Variants in PTPRN2 observed in about 807,000 individuals in gnomAD.
The protein encoded by PTPRN2 is receptor-type tyrosine-protein phosphatase N2.
PTPRN2 carries 74 observed loss-of-function variants against 118.8 expected under a neutral mutation model. The observed-to-expected ratio is 0.62, with a 90% CI of 0.52 to 0.76. The LOEUF (loss-of-function observed/expected upper bound fraction) is 0.76. Ranked by LOEUF, PTPRN2 falls within the 30% of genes least tolerant of loss-of-function variation. PTPRN2 has a pLI of 0.00. For missense variants in PTPRN2, 1,481 were observed against 1,394.4 expected (o/e 1.06, Z -0.99); for synonymous variants, 641 against 608.0 (o/e 1.05, Z -0.80).
intron 10 of PTPRN2, among the ~76,000 whole-genome samples, chr7:158,085,624 C>T (rs1451316022): frequency 7.3e-6 from 1 of 137,646 alleles, no homozygotes; most frequent in Non-Finnish European, 1.6e-5. Flanking sequence ...CCCATCCACA[C>T]CCTCGACGCC....
chr7:157,691,473 G>A (rs547243573), intron 12 of PTPRN2, among the ~76,000 whole-genome samples: 2 of 148,960 alleles, frequency 1.3e-5, no homozygotes, highest in East Asian at 4.7e-4. Flanking sequence ...GATTCAGGGC[G>A]AGTAGACGAG....
chr7:158,378,173 T>G (rs936109265), intron 2 of PTPRN2, among the ~76,000 whole-genome samples: 2 of 151,982 alleles, frequency 1.3e-5, no homozygotes, highest in Non-Finnish European at 2.9e-5. Context: ...TGAACAAACC[T>G]GACACAAAAG....
At position 158,574,998 on chromosome 7, in the gene PTPRN2, T is replaced by C. The variant is rs765541954; in HGVS notation, c.112+12560A>G. Among the ~76,000 whole-genome samples, 1 of 152,262 alleles carries C rather than the reference T, an allele frequency of 6.6e-6. No homozygotes were observed. Among genetic ancestry groups the C allele is most frequent in the Non-Finnish European group, 1.5e-5 (1 of 68,042 alleles). ...AATTAAAACAGACTTCCATCCTTTC[T>C]TCAAAGGACATATTTTTCTTCCCTT... On this transcript the variant is annotated intron_variant, in intron 1 of 22. Coordinates refer to ENST00000389418, the MANE Select transcript of PTPRN2 (RefSeq NM_002847.5). This position sits in a 1 kb window ranked among gnomAD's most constrained non-coding sequence, Gnocchi z 4.6.
chr7:157,840,457 CGTGTGACTGTGTGGCCACGTGTGACT>C (rs1395381657), intron 12 of PTPRN2, among the ~76,000 whole-genome samples: 23 of 142,348 alleles, frequency 1.6e-4, no homozygotes, highest in African/African-American at 6.0e-4. Context: ...TGTGTGACCG[CGTGTGACTGTGTGGCCACGTGTGACT>C]GTGTGACTGT....
chr7:158,178,321 A>G (rs773330745), intron 5 of PTPRN2, among the ~76,000 whole-genome samples: 4 of 152,124 alleles, frequency 2.6e-5, no homozygotes, highest in Non-Finnish European at 5.9e-5. Context: ...ATTGTACCCA[A>G]TATGTAGGTT....
At chr7:157,812,973 G>A (rs981810123) in intron 12 of PTPRN2, among the ~76,000 whole-genome samples, 54 of 152,116 alleles carry the variant, frequency 3.5e-4, no homozygotes, top group Admixed American at 3.3e-3. Flanking sequence ...CACATTCCAC[G>A]CTGCTCCCTA....
chr7:158,398,523 T>C (rs1812700576), intron 2 of PTPRN2, among the ~76,000 whole-genome samples: 1 of 152,260 alleles, frequency 6.6e-6, no homozygotes, highest in East Asian at 1.9e-4. Context: ...CTTTGTTCTG[T>C]TATTGCCGTT....
intron 3 of PTPRN2, among the ~76,000 whole-genome samples, chr7:158,250,627 A>G (rs554788843): frequency 6.6e-6 from 1 of 152,280 alleles, no homozygotes; most frequent in East Asian, 1.9e-4. Flanking sequence ...CGATTTTTAT[A>G]AGACAGGTAT....
At chr7:158,391,239 C>A (rs910692193) in intron 2 of PTPRN2, among the ~76,000 whole-genome samples, 1 of 152,248 alleles carries the variant, frequency 6.6e-6, no homozygotes, top group Non-Finnish European at 1.5e-5. Flanking sequence ...GAGGGACCCT[C>A]TGGGGCCAAT....
At chr7:158,358,426 A>G (rs1400972649) in intron 2 of PTPRN2, among the ~76,000 whole-genome samples, 1 of 152,204 alleles carries the variant, frequency 6.6e-6, no homozygotes, top group Non-Finnish European at 1.5e-5. Flanking sequence ...CAGTTATCAC[A>G]ATATTCGGCC....
intron 11 of PTPRN2, among the ~76,000 whole-genome samples, chr7:157,928,202 C>T (rs2128776925): frequency 6.6e-6 from 1 of 152,322 alleles, no homozygotes; most frequent in Non-Finnish European, 1.5e-5. Flanking sequence ...CAGGGCAGGG[C>T]CATAGGCAGA....
Position 158,546,077 on chromosome 7 carries a change from A to G in PTPRN2, c.112+41481T>C, listed in dbSNP as rs1826258710. Reference sequence around the variant, plus strand: ...TTACCTCCAGCAAGGGCTGGAGACCAAAAAAACTGGGCCAACGGCCCACAA... The same window carrying G: ...TTACCTCCAGCAAGGGCTGGAGACCGAAAAAACTGGGCCAACGGCCCACAA... On this transcript the variant is annotated intron_variant, in intron 1 of 22. Transcript: ENST00000389418. This position sits in a 1 kb window ranked among gnomAD's most constrained non-coding sequence, Gnocchi z 5.0. Among the ~76,000 whole-genome samples, 2 of 152,196 alleles carry G rather than the reference A, an allele frequency of 1.3e-5. No individual in the cohort carries two copies. Among genetic ancestry groups the G allele is most frequent in the African/African-American group, 4.8e-5 (2 of 41,456 alleles).
chr7:158,329,509 A>G (rs10156044), intron 2 of PTPRN2, among the ~76,000 whole-genome samples: 143,466 of 152,176 alleles, frequency 0.94, 67,708 homozygotes, highest in Non-Finnish European at 0.96. Flanking sequence ...CTCACGCTCC[A>G]GCCACATGAG....
At position 157,764,920 on chromosome 7, in the gene PTPRN2, GATCCATCCAT is replaced by G. The variant is rs1317030441; in HGVS notation, c.1789-81993_1789-81984del. Among the ~76,000 whole-genome samples, 5 of 138,314 alleles carry G rather than the reference GATCCATCCAT, an allele frequency of 3.6e-5. No individual in the cohort carries two copies. The highest frequency in any genetic ancestry group is 1.1e-4 in the African/African-American group (4 of 36,406). The allele number at this position is 138,314 out of a possible 152,430, so 90.7% of individuals were successfully genotyped here. ...CCATCTACCCATCCATCCATCCATT[GATCCATCCAT>G]ATCCATCCATCCATATCCATCCATC... On this transcript the variant is annotated intron_variant, in intron 12 of 22. Transcript: ENST00000389418. The surrounding 1 kb of genome is among the most constrained non-coding windows in gnomAD (Gnocchi z 4.5).
At chr7:158,029,703 C>CGG (rs1807546355) in intron 11 of PTPRN2, 1 of 148,230 alleles carries the variant, frequency 6.7e-6, no homozygotes, top group African/African-American at 2.5e-5. Context: ...CTGGGAGCTC[C>CGG]GGCCCTGCCC....
chr7:158,095,039 C>T (rs907581833), intron 10 of PTPRN2, among the ~76,000 whole-genome samples: 6 of 152,128 alleles, frequency 3.9e-5, no homozygotes, highest in East Asian at 1.9e-4. Flanking sequence ...TGGGAGGAGC[C>T]GCTGGGTCCT....
At chr7:158,112,839 A>C (rs1373683206) in intron 9 of PTPRN2, among the ~76,000 whole-genome samples, 1 of 151,036 alleles carries the variant, frequency 6.6e-6, no homozygotes, top group Non-Finnish European at 1.5e-5. Context: ...CTGTGAGTGC[A>C]GAGGTCAGAG....
rs1563366904 is a variant in PTPRN2 at position 158,054,120 on chromosome 7, CAGAGA to C, written c.1723+27173_1723+27177del. On this transcript the variant is annotated intron_variant, in intron 11 of 22. Transcript: ENST00000389418. The stretch of plus-strand genomic sequence containing the variant: ...CAGAGACGGAGAGACCCCAGAGATG[CAGAGA>C]CCCTAGAGAGCATGGGGGCCCTAGA... Among the ~76,000 whole-genome samples the C allele has an allele frequency of 1.2e-4, 18 of 152,224 alleles. No homozygotes were observed. In the Middle Eastern group the frequency reaches 0.01, roughly 86 times the overall value.
intron 11 of PTPRN2, among the ~76,000 whole-genome samples, chr7:158,064,513 G>C (rs367581067): frequency 7.2e-5 from 11 of 152,136 alleles, no homozygotes; most frequent in African/African-American, 2.7e-4. Context: ...CACTGGTCAC[G>C]CCGGACACTG....
Sources: allele counts gnomAD v4.1 joint callset (sites outside exome capture counted in the v4.1 genomes callset), GRCh38; gene constraint gnomAD v4.1.1; non-coding constraint Gnocchi (gnomAD v3.1); transcripts MANE v1.5; gene names NCBI Gene and HGNC (gene_info 2026-07-23, HGNC 2026-07-21).